DLGAP2: variants seen among roughly 807,000 people sequenced by gnomAD.
DLGAP2 encodes disks large-associated protein 2.
In DLGAP2, 26 loss-of-function variants were observed where a neutral mutation model predicts 100.3. That is an observed-to-expected ratio of 0.26 (90% CI 0.19 to 0.36). The LOEUF (loss-of-function observed/expected upper bound fraction) is 0.36. Ranked by LOEUF, DLGAP2 falls within the 10% of genes least tolerant of loss-of-function variation. DLGAP2 has a pLI of 1.00. For missense variants in DLGAP2, 1,858 were observed against 1,453.2 expected, an observed-to-expected ratio of 1.28 and a Z score of -4.53; for synonymous variants, 886 against 630.1, an observed-to-expected ratio of 1.41 and a Z score of -6.08.
intron 1 of DLGAP2, among the ~76,000 whole-genome samples, chr8:761,961 T>A (rs537223804): frequency 5.5e-4 from 83 of 152,258 alleles, no homozygotes; most frequent in Non-Finnish European, 3.8e-4. Flanking sequence ...TTTTCGCTTG[T>A]TTTTAAGAAA....
intron 6 of DLGAP2, among the ~76,000 whole-genome samples, chr8:1,606,185 T>G (rs1796791145): frequency 6.6e-6 from 1 of 152,176 alleles, no homozygotes; most frequent in African/African-American, 2.4e-5. Context: ...ATTCTGAACG[T>G]ACGGTTCATT....
intron 3 of DLGAP2, among the ~76,000 whole-genome samples, chr8:1,417,601 G>A (rs1051854398): frequency 1.9e-5 from 2 of 102,740 alleles, no homozygotes; most frequent in Non-Finnish European, 4.1e-5. Flanking sequence ...TAAATAGGAG[G>A]CTCAGAAGGA....
intron 3 of DLGAP2, among the ~76,000 whole-genome samples, chr8:1,494,594 T>C (rs999172385): frequency 1.3e-5 from 2 of 152,064 alleles, no homozygotes; most frequent in Non-Finnish European, 2.9e-5. Context: ...CCGAGCGTGG[T>C]GTCAGGCGCC....
At position 1,088,296 on chromosome 8, in the gene DLGAP2, C is replaced by T. The variant is rs370539597; in HGVS notation, c.74-170555C>T. On this transcript the variant is annotated intron_variant, in intron 2 of 14. Coordinates refer to ENST00000637795, the MANE Select transcript of DLGAP2 (RefSeq NM_001346810.2). ...CTACCATGAAGAGTTGTTCCATATC[C>T]GTCTGTCTGTGGCGGGGAGGTGTGG... 8.7e-4 allele frequency among the ~76,000 whole-genome samples: 133 copies of T among 152,258 alleles called. 3 individuals carry two copies. The South Asian group carries it at 0.024, about 27-fold the overall frequency.
At chr8:1,435,371 C>G (rs545900352) in intron 3 of DLGAP2, among the ~76,000 whole-genome samples, 1 of 152,168 alleles carries the variant, frequency 6.6e-6, no homozygotes, top group Non-Finnish European at 1.5e-5. Context: ...GTGTTTCAGT[C>G]AAAGACAAAC....
At chr8:961,459 T>C (rs532839528) in intron 2 of DLGAP2, among the ~76,000 whole-genome samples, 3 of 152,318 alleles carry the variant, frequency 2.0e-5, no homozygotes, top group African/African-American at 7.2e-5. Flanking sequence ...GAAGTGACAT[T>C]CTTTTCTTTC....
chr8:1,147,315 A>G (rs1379450111), intron 2 of DLGAP2, among the ~76,000 whole-genome samples: 6 of 152,096 alleles, frequency 3.9e-5, no homozygotes, highest in Admixed American at 2.0e-4. Flanking sequence ...CAGGTTTTTT[A>G]TTGCTATTGT....
chr8:1,183,170 C>A (rs1267382563), intron 2 of DLGAP2, among the ~76,000 whole-genome samples: 1 of 152,030 alleles, frequency 6.6e-6, no homozygotes, highest in Non-Finnish European at 1.5e-5. Context: ...AAGGACACAG[C>A]AGCCAGGATC....
At chr8:1,226,949 G>A (rs1403060985) in intron 2 of DLGAP2, among the ~76,000 whole-genome samples, 6 of 151,612 alleles carry the variant, frequency 4.0e-5, no homozygotes, top group South Asian at 2.1e-4. Flanking sequence ...AAACAGTATC[G>A]ACGTTCCTAA....
intron 1 of DLGAP2, among the ~76,000 whole-genome samples, chr8:902,406 A>G (rs1798271447): frequency 6.7e-6 from 1 of 150,010 alleles, no homozygotes; most frequent in African/African-American, 2.5e-5. Context: ...GGAAGGAGTC[A>G]CGGTGTGCAG....
intron 3 of DLGAP2, among the ~76,000 whole-genome samples, chr8:1,282,684 G>A (rs1331926087): frequency 2.5e-4 from 26 of 103,044 alleles, no homozygotes; most frequent in African/African-American, 3.4e-4. Context: ...TGAACCCAGC[G>A]CATGAACCAT....
chr8:1,201,580 T>C (rs1329174241), intron 2 of DLGAP2, among the ~76,000 whole-genome samples: 1 of 152,176 alleles, frequency 6.6e-6, no homozygotes, highest in African/African-American at 2.4e-5. Context: ...ACCCAGTGTG[T>C]GGTCACCGGC....
intron 2 of DLGAP2, among the ~76,000 whole-genome samples, chr8:1,183,861 C>T (rs560704579): frequency 1.3e-5 from 2 of 152,134 alleles, no homozygotes; most frequent in African/African-American, 4.8e-5. Context: ...CAGGTGTGCA[C>T]CCTGGGTAAA....
At chr8:1,524,434 G>A (rs1432481278) in intron 4 of DLGAP2, among the ~76,000 whole-genome samples, 1 of 152,108 alleles carries the variant, frequency 6.6e-6, no homozygotes. Context: ...GTCAGCTTGG[G>A]CAGCCCTAAC....
rs533814819 is a variant in DLGAP2, at chr8:1,554,475, T to C, written c.1230+4792T>C. Among the ~76,000 whole-genome samples, 39 of 152,182 alleles carry C rather than the reference T, an allele frequency of 2.6e-4. 2 individuals are homozygous for C. The South Asian group carries it at 7.7e-3, about 30-fold the overall frequency. On this transcript the variant is annotated intron_variant, in intron 5 of 14. Coordinates refer to ENST00000637795, the MANE Select transcript of DLGAP2 (RefSeq NM_001346810.2). ...CTCCTGCCACAGGCCCACCTCCACATGCTGGGTGACCCCTCCCTGCTGGTT... is the reference window on the plus strand; with the variant it reads ...CTCCTGCCACAGGCCCACCTCCACACGCTGGGTGACCCCTCCCTGCTGGTT...
intron 8 of DLGAP2, among the ~76,000 whole-genome samples, chr8:1,664,823 C>T (rs549102368): frequency 2.0e-5 from 3 of 152,322 alleles, no homozygotes; most frequent in South Asian, 4.1e-4. Flanking sequence ...CTTCAAACCA[C>T]GTTTTCGTTT....
chr8:858,296 A>C (rs1390284460), intron 1 of DLGAP2, among the ~76,000 whole-genome samples: 1 of 152,268 alleles, frequency 6.6e-6, no homozygotes, highest in African/African-American at 2.4e-5. Context: ...GCAACCGTAA[A>C]TGCACGTGAC....
chr8:1,167,178 A>G (rs931823683), intron 2 of DLGAP2, among the ~76,000 whole-genome samples: 3 of 152,110 alleles, frequency 2.0e-5, no homozygotes, highest in African/African-American at 7.2e-5. Flanking sequence ...AAGCCTCCTG[A>G]CTTACATGAC....
At chr8:875,730 A>C (rs1797677506) in intron 1 of DLGAP2, among the ~76,000 whole-genome samples, 1 of 152,056 alleles carries the variant, frequency 6.6e-6, no homozygotes, top group Non-Finnish European at 1.5e-5. Context: ...ATTTTTTTGC[A>C]TTAAGTGAAT....
Sources: allele counts gnomAD v4.1 joint callset (sites outside exome capture counted in the v4.1 genomes callset), GRCh38; gene constraint gnomAD v4.1.1; transcripts MANE v1.5; gene names NCBI Gene and HGNC (gene_info 2026-07-23, HGNC 2026-07-21).